The following SYT1 variants were observed in gnomAD, a reference collection of about 807,000 sequenced individuals.
SYT1 encodes synaptotagmin 1, also known as synaptotagmin-1.
In SYT1, 8 loss-of-function variants were observed where a neutral mutation model predicts 44.8. That is an observed-to-expected ratio of 0.18 (90% CI 0.10 to 0.32). SYT1 has a LOEUF of 0.32. Among genes scored for constraint, SYT1 ranks in the 10% least tolerant of loss-of-function variants. The pLI is 1.00. For synonymous variants in SYT1, 154 were observed against 188.8 expected (o/e 0.82, Z 1.51); for missense variants, 286 against 509.3 (o/e 0.56, Z 4.22).
intron 2 of SYT1, among the ~76,000 whole-genome samples, chr12:79,043,272 T>A (rs1321126685): frequency 6.7e-6 from 1 of 149,288 alleles, no homozygotes; most frequent in East Asian, 2.0e-4. Context: ...AGTCTCTTTG[T>A]GGGTCACTCA....
At chr12:78,938,913 C>T (rs1226652532) in intron 1 of SYT1, among the ~76,000 whole-genome samples, 5 of 152,100 alleles carry the variant, frequency 3.3e-5, no homozygotes, top group African/African-American at 7.2e-5. Context: ...TTAAGAATCA[C>T]TAAAGTTGGA....
At chr12:78,981,132 T>G (rs1030470920) in intron 2 of SYT1, among the ~76,000 whole-genome samples, 25 of 149,354 alleles carry the variant, frequency 1.7e-4, no homozygotes, top group East Asian at 7.8e-4. Flanking sequence ...TTTGTTTTTT[T>G]TTTTTTTTTT....
At chr12:79,048,359 A>C (rs1874228365) in intron 3 of SYT1, among the ~76,000 whole-genome samples, 2 of 151,808 alleles carry the variant, frequency 1.3e-5, no homozygotes, top group Non-Finnish European at 3.0e-5. Flanking sequence ...AGCCCCAAAG[A>C]ACTTTGATGC....
chr12:79,417,762 C>G (rs1829006558), intron 9 of SYT1, among the ~76,000 whole-genome samples: 1 of 152,046 alleles, frequency 6.6e-6, no homozygotes, highest in South Asian at 2.1e-4. Context: ...TGTCAGTGCT[C>G]TCCCTGAACT....
intron 4 of SYT1, among the ~76,000 whole-genome samples, chr12:79,231,209 G>T (rs1002377289): frequency 1.3e-5 from 2 of 152,082 alleles, no homozygotes; most frequent in East Asian, 3.8e-4. Flanking sequence ...TATTTTTAGT[G>T]CTTGGCTTTA....
At chr12:79,343,893 G>A (rs999492856) in intron 8 of SYT1, among the ~76,000 whole-genome samples, 4 of 152,150 alleles carry the variant, frequency 2.6e-5, no homozygotes, top group African/African-American at 4.8e-5. Context: ...AGAGGGAAAG[G>A]ATAGAGAAAA....
intron 9 of SYT1, among the ~76,000 whole-genome samples, chr12:79,368,840 C>T (rs1421089212): frequency 6.6e-5 from 10 of 152,226 alleles, no homozygotes; most frequent in Admixed American, 2.0e-4. Flanking sequence ...TTCTCCCATT[C>T]TGTAGGTTGC....
At chr12:79,046,282 C>A (rs978118112) in intron 2 of SYT1, 3 of 152,164 alleles carry the variant, frequency 2.0e-5, no homozygotes, top group South Asian at 2.1e-4. Flanking sequence ...GCTAGAGCTG[C>A]TGATATTAAA....
intron 2 of SYT1, among the ~76,000 whole-genome samples, chr12:79,033,893 T>C (rs1287132897): frequency 4.0e-5 from 6 of 151,530 alleles, no homozygotes; most frequent in Non-Finnish European, 8.9e-5. Flanking sequence ...TCATATTTTA[T>C]AGACTATAAT....
intron 2 of SYT1, among the ~76,000 whole-genome samples, chr12:78,992,090 G>C (rs2137488422): frequency 6.6e-6 from 1 of 152,234 alleles, no homozygotes; most frequent in South Asian, 2.1e-4. Context: ...CACTTACAGG[G>C]AAAGAAAAGG....
Position 79,038,178 on chromosome 12 carries a change from T to C in SYT1, c.-83-9119T>C, listed in dbSNP as rs75336522. Among the ~76,000 whole-genome samples, 19 of 142,640 alleles carry C rather than the reference T, an allele frequency of 1.3e-4. No homozygotes were observed. In the East Asian group the frequency reaches 2.1e-3, roughly 16 times the overall value. 93.6% of individuals were successfully genotyped at this position (142,640 alleles called of 152,430 possible). A position where few individuals can be genotyped will look rare whatever the true frequency, so the allele number is the denominator to read the frequency against. On this transcript the variant is annotated intron_variant, in intron 2 of 10. Coordinates refer to ENST00000261205, the MANE Select transcript of SYT1 (RefSeq NM_005639.3). ...GTGAATATATGAATATATATATATA[T>C]ACACACACACATATATATACACATA... is the stretch of plus-strand genomic sequence containing the variant.
At chr12:79,090,529 G>A (rs1215049116) in intron 3 of SYT1, among the ~76,000 whole-genome samples, 1 of 151,944 alleles carries the variant, frequency 6.6e-6, no homozygotes, top group East Asian at 1.9e-4. Context: ...CAGTGCTGGG[G>A]TTCATGTACA....
rs551097059 is a variant in SYT1, at chr12:78,975,674, C to T, written c.-216-2125C>T. The stretch of plus-strand genomic sequence containing the variant: ...GCCTGTAAGCTCATAATCCCAATGA[C>T]AGATGGTTTTTAATCTTTGCTATTT... On this transcript the variant is annotated intron_variant, in intron 1 of 10. Coordinates refer to ENST00000261205, the MANE Select transcript of SYT1 (RefSeq NM_005639.3). Among the ~76,000 whole-genome samples, 6 of 152,204 alleles carry T rather than the reference C, an allele frequency of 3.9e-5. No individual in the cohort carries two copies. The East Asian group carries it at 5.8e-4, about 15-fold the overall frequency.
At chr12:79,351,277 A>C (rs1302731251) in intron 8 of SYT1, among the ~76,000 whole-genome samples, 1 of 152,184 alleles carries the variant, frequency 6.6e-6, no homozygotes, top group Non-Finnish European at 1.5e-5. Flanking sequence ...ATTATGTAAA[A>C]TCTTTTAAAC....
intron 4 of SYT1, among the ~76,000 whole-genome samples, chr12:79,233,389 T>C (rs1875985766): frequency 6.6e-6 from 1 of 152,260 alleles, no homozygotes; most frequent in Admixed American, 6.5e-5. Context: ...TACAGTGGCT[T>C]TTCCTCCAGT....
intron 3 of SYT1, among the ~76,000 whole-genome samples, chr12:79,170,499 T>C (rs1219201862): frequency 3.3e-5 from 5 of 152,154 alleles, no homozygotes; most frequent in Non-Finnish European, 5.9e-5. Flanking sequence ...ATGTCTTCTT[T>C]TGAAAAGGGT....
chr12:79,383,490 T>C (rs1225022892), intron 9 of SYT1, among the ~76,000 whole-genome samples: 7 of 152,168 alleles, frequency 4.6e-5, no homozygotes, highest in Admixed American at 3.9e-4. Flanking sequence ...ATAGTATAGA[T>C]GGCTATTCAA....
chr12:79,018,379 A>G (rs1025298982), intron 2 of SYT1, among the ~76,000 whole-genome samples: 1 of 151,664 alleles, frequency 6.6e-6, no homozygotes, highest in African/African-American at 2.4e-5. Context: ...GCATTAGGAG[A>G]TATACCTAAT....
At chr12:79,066,836 G>C (rs1875900909) in intron 3 of SYT1, among the ~76,000 whole-genome samples, 1 of 152,076 alleles carries the variant, frequency 6.6e-6, no homozygotes, top group Non-Finnish European at 1.5e-5. Context: ...TAATCCATTA[G>C]CTTAAACTAA....
Sources: gnomAD v4.1 joint callset for allele counts (sites outside exome capture counted in the v4.1 genomes callset) on GRCh38, gnomAD v4.1.1 for gene constraint, MANE v1.5 for transcripts, NCBI Gene and HGNC (gene_info 2026-07-23, HGNC 2026-07-21) for gene names.